The following UNC13C variants were observed in gnomAD, a reference collection of about 807,000 sequenced individuals.
The protein encoded by UNC13C is protein unc-13 homolog C.
In UNC13C, 174 loss-of-function variants were observed where a neutral mutation model predicts 245.4. The ratio of observed to expected loss-of-function variants is 0.71; its 90% CI spans 0.63 to 0.80. UNC13C has a LOEUF of 0.80. Among genes scored for constraint, UNC13C ranks in the 30% least tolerant of loss-of-function variants. The pLI, the probability that UNC13C is intolerant of heterozygous loss-of-function variation, is 0.00. For synonymous variants in UNC13C, 992 were observed against 895.1 expected (o/e 1.11, Z -1.93); for missense variants, 2,829 against 2,602.9 (o/e 1.09, Z -1.89).
chr15:54,346,109 T>G (rs2038854291), intron 17 of UNC13C, among the ~76,000 whole-genome samples: 1 of 152,214 alleles, frequency 6.6e-6, no homozygotes, highest in Admixed American at 6.5e-5. Flanking sequence ...AGGTGCATCA[T>G]GTGATATCAG....
At chr15:54,234,392 A>G (rs1232967535) in intron 4 of UNC13C, among the ~76,000 whole-genome samples, 1 of 152,108 alleles carries the variant, frequency 6.6e-6, no homozygotes, top group Non-Finnish European at 1.5e-5. Context: ...CATTTAATCA[A>G]TATGCTATTG....
intron 4 of UNC13C, among the ~76,000 whole-genome samples, chr15:54,228,228 C>A (rs926928212): frequency 2.0e-5 from 3 of 152,018 alleles, no homozygotes; most frequent in East Asian, 3.9e-4. Context: ...TACTGCCAAG[C>A]CTGGAGTTCT....
the UNC13C span, among the ~76,000 whole-genome samples, chr15:53,955,120 G>A: frequency 0.33 from 50,146 of 151,922 alleles, 8,274 homozygotes; most frequent in African/African-American, 0.35. Flanking sequence ...AGCAATTTCA[G>A]GTGAACATAC....
chr15:54,188,999 C>T (rs79399761), intron 4 of UNC13C, among the ~76,000 whole-genome samples: 4,901 of 152,192 alleles, frequency 0.032, 121 homozygotes, highest in Middle Eastern at 0.065. Flanking sequence ...AAAATAAGGA[C>T]TGTTGTTGCT....
the UNC13C span, among the ~76,000 whole-genome samples, chr15:53,958,138 T>A: frequency 6.6e-6 from 1 of 152,174 alleles, no homozygotes; most frequent in Non-Finnish European, 1.5e-5. Flanking sequence ...GAGCTGCAGA[T>A]AATTTTAGAC....
In UNC13C at chr15:54,229,760, G is replaced by C. The variant is rs75373685; in HGVS notation, c.3072-5270G>C. Among the ~76,000 whole-genome samples, 82 of 151,984 alleles carry C rather than the reference G, an allele frequency of 5.4e-4. No individual in the cohort carries two copies. In the East Asian group the frequency reaches 6.4e-3, roughly 12 times the overall value. ...GTGTAACTAATTTTCTGTATCTTTTGACCAATATCTCCCTAACCTCCCCTT... is the reference window on the plus strand; with the variant it reads ...GTGTAACTAATTTTCTGTATCTTTTCACCAATATCTCCCTAACCTCCCCTT... On this transcript the variant is annotated intron_variant, in intron 4 of 32. Transcript: ENST00000260323.
intron 2 of UNC13C, among the ~76,000 whole-genome samples, chr15:54,105,284 T>TG (rs374923820): frequency 2.2e-4 from 33 of 152,182 alleles, no homozygotes; most frequent in African/African-American, 3.6e-4. Context: ...GAACAGGACA[T>TG]GGGGGGGTCT....
At chr15:54,494,832 C>G (rs1231741631) in intron 20 of UNC13C, 98 bp downstream of exon 20, 1 of 1,386,250 alleles carries the variant, frequency 7.2e-7, no homozygotes, top group Non-Finnish European at 9.9e-7. Context: ...TTCACATAAT[C>G]TTCATTGGAA....
Position 54,015,589 on chromosome 15 carries a change from A to G in UNC13C, c.2686A>G (p.Thr896Ala). Residue 896 changes from threonine (T) to alanine (A), a missense_variant, in exon 2 of 33, where the codon ACT (threonine) becomes GCT (alanine). Transcript: ENST00000260323. ...TAAACTAGAAAACAGGACTAGTATT[A>G]CTGAAACAGATGAACAAATGCAAGC... is the stretch of plus-strand genomic sequence containing the variant. ...LAKLENRTSI[T>A]ETDEQMQAYD... The G allele has an allele frequency of 6.2e-7, 1 of 1,613,894 alleles. No individual in the cohort carries two copies.
At chr15:53,901,799 G>A in the UNC13C span, among the ~76,000 whole-genome samples, 1 of 152,106 alleles carries the variant, frequency 6.6e-6, no homozygotes, top group African/African-American at 2.4e-5. Flanking sequence ...CTGCACCCAA[G>A]ACATTTGGAT....
rs2038999508 is a variant in UNC13C, at chr15:54,352,271, CAT to C, written c.4713+13788_4713+13789del. On this transcript the variant is annotated intron_variant, in intron 17 of 32. Coordinates refer to ENST00000260323, the MANE Select transcript of UNC13C (RefSeq NM_001080534.3). ...ATTGTGATTATACAAATATATAACA[CAT>C]ATATACATTTATATAATTATATTTA... Among the ~76,000 whole-genome samples, 3 of 147,108 alleles carry C rather than the reference CAT, an allele frequency of 2.0e-5. 1 individual carries two copies. In the South Asian group the frequency reaches 6.4e-4, roughly 31 times the overall value.
intron 10 of UNC13C, among the ~76,000 whole-genome samples, chr15:54,291,195 G>C (rs1047459993): frequency 1.7e-4 from 26 of 151,934 alleles, no homozygotes; most frequent in African/African-American, 6.3e-4. Flanking sequence ...TTTCAGGTGT[G>C]GGTTCATAGT....
At position 54,196,175 on chromosome 15, in the gene UNC13C, C is replaced by T. The variant is rs548843560; in HGVS notation, c.3072-38855C>T. 7.2e-5 allele frequency among the ~76,000 whole-genome samples: 11 copies of T among 152,136 alleles called. No individual in the cohort carries two copies. In the South Asian group the frequency reaches 1.7e-3, roughly 23 times the overall value. On this transcript the variant is annotated intron_variant, in intron 4 of 32. Coordinates refer to ENST00000260323, the MANE Select transcript of UNC13C (RefSeq NM_001080534.3). ...TATTTTCTAAACAAAATATAATCTCCTTAAGTATATAGGTGAATTTGCAAG... is the reference window on the plus strand; with the variant it reads ...TATTTTCTAAACAAAATATAATCTCTTTAAGTATATAGGTGAATTTGCAAG...
intron 2 of UNC13C, among the ~76,000 whole-genome samples, chr15:54,114,264 G>T (rs934933542): frequency 2.0e-5 from 3 of 152,146 alleles, no homozygotes; most frequent in Non-Finnish European, 2.9e-5. Flanking sequence ...TTAATTAAAA[G>T]AATAAAGCAC....
chr15:54,230,158 A>C (rs1445626197), intron 4 of UNC13C, among the ~76,000 whole-genome samples: 1 of 106,492 alleles, frequency 9.4e-6, no homozygotes, highest in Non-Finnish European at 2.0e-5. Flanking sequence ...TATTTGAGGA[A>C]TCTACACCTC....
intron 2 of UNC13C, among the ~76,000 whole-genome samples, chr15:54,119,014 G>C (rs1595878075): frequency 1.3e-5 from 2 of 150,042 alleles, no homozygotes; most frequent in East Asian, 3.9e-4. Flanking sequence ...TGGTGAATGA[G>C]TTTGGAAGTA....
At chr15:53,940,618 G>GT in the UNC13C span, among the ~76,000 whole-genome samples, 1 of 152,144 alleles carries the variant, frequency 6.6e-6, no homozygotes, top group Middle Eastern at 3.2e-3. Flanking sequence ...CTTCAGCAAA[G>GT]TTTCAGGATA....
At chr15:54,476,612 T>C (rs1036437748) in intron 19 of UNC13C, among the ~76,000 whole-genome samples, 6 of 151,896 alleles carry the variant, frequency 4.0e-5, no homozygotes, top group Non-Finnish European at 7.4e-5. Context: ...AAAGATCAGA[T>C]AGTTGTAGAT....
Position 54,490,450 on chromosome 15 carries a change from A to G in UNC13C, c.4934-4158A>G, listed in dbSNP as rs1217143774. 2.0e-5 allele frequency among the ~76,000 whole-genome samples: 3 copies of G among 152,274 alleles called. No individual in the cohort carries two copies. The East Asian group carries it at 5.8e-4, about 30-fold the overall frequency. On this transcript the variant is annotated intron_variant, in intron 19 of 32. Transcript: ENST00000260323. ...GGAATGTAGGGAGTTTGCAGAGTCC[A>G]GGAGGATGAATTGGAGGAGATCTAT...
Sources: allele counts gnomAD v4.1 joint callset (sites outside exome capture counted in the v4.1 genomes callset), GRCh38; gene constraint gnomAD v4.1.1; transcripts MANE v1.5; gene names NCBI Gene and HGNC (gene_info 2026-07-23, HGNC 2026-07-21).